The following KCNIP4 variants were observed in gnomAD, a reference collection of about 807,000 sequenced individuals.
The protein encoded by KCNIP4 is potassium voltage-gated channel interacting protein 4.
A neutral mutation model predicts 34.0 loss-of-function variants in KCNIP4; 12 were observed. The ratio of observed to expected loss-of-function variants is 0.35; its 90% CI spans 0.23 to 0.57. The LOEUF is 0.57. Among genes scored for constraint, KCNIP4 ranks in the 20% least tolerant of loss-of-function variants. KCNIP4 has a pLI of 0.83. For missense variants in KCNIP4, 238 were observed against 311.7 expected (o/e 0.76, Z 1.78); for synonymous variants, 124 against 102.2 (o/e 1.21, Z -1.29).
At chr4:21,484,282 C>T (rs1731715671) in intron 1 of KCNIP4, among the ~76,000 whole-genome samples, 1 of 151,872 alleles carries the variant, frequency 6.6e-6, no homozygotes, top group Non-Finnish European at 1.5e-5. Context: ...CAAAAATTAG[C>T]CAGGTGTGGT....
chr4:21,765,064 C>G (rs1335333058), intron 1 of KCNIP4, among the ~76,000 whole-genome samples: 1 of 152,000 alleles, frequency 6.6e-6, no homozygotes, highest in Non-Finnish European at 1.5e-5. Flanking sequence ...GGAGTATACA[C>G]TGTGGCTACA....
intron 5 of KCNIP4, among the ~76,000 whole-genome samples, chr4:20,737,856 G>C (rs536255847): frequency 9.2e-5 from 14 of 152,250 alleles, no homozygotes; most frequent in South Asian, 4.1e-4. Flanking sequence ...AGCAGGCTGG[G>C]GATCATGGCT....
chr4:21,690,455 C>T (rs769186466), intron 1 of KCNIP4, among the ~76,000 whole-genome samples: 37 of 152,088 alleles, frequency 2.4e-4, no homozygotes, highest in Non-Finnish European at 3.7e-4. Flanking sequence ...GGTGCCCTCC[C>T]CAGTGTAATG....
At chr4:21,387,512 T>C (rs1409321415) in intron 1 of KCNIP4, among the ~76,000 whole-genome samples, 1 of 152,190 alleles carries the variant, frequency 6.6e-6, no homozygotes, top group East Asian at 1.9e-4. Flanking sequence ...TGATATGTCA[T>C]CAAAATTAAC....
At chr4:20,903,272 C>A (rs1299281214) in intron 1 of KCNIP4, among the ~76,000 whole-genome samples, 2 of 152,172 alleles carry the variant, frequency 1.3e-5, no homozygotes, top group African/African-American at 4.8e-5. Flanking sequence ...TACTGAACAG[C>A]AACCCTATGT....
intron 3 of KCNIP4, among the ~76,000 whole-genome samples, chr4:20,789,122 T>A (rs1274683790): frequency 6.6e-6 from 1 of 152,152 alleles, no homozygotes; most frequent in African/African-American, 2.4e-5. Flanking sequence ...TGCAATGCTA[T>A]TGCCCAGAGT....
chr4:21,270,842 C>T (rs1459506583), intron 1 of KCNIP4, among the ~76,000 whole-genome samples: 3 of 151,914 alleles, frequency 2.0e-5, no homozygotes, highest in African/African-American at 7.3e-5. Context: ...CAAAAATTAG[C>T]CAGGAATGTG....
At chr4:20,963,688 T>G (rs1734077916) in intron 1 of KCNIP4, among the ~76,000 whole-genome samples, 1 of 151,440 alleles carries the variant, frequency 6.6e-6, no homozygotes, top group Admixed American at 6.6e-5. Flanking sequence ...AAAGAGGAGG[T>G]TAAAAAATAA....
chr4:21,038,960 A>T (rs1279990988), intron 1 of KCNIP4, among the ~76,000 whole-genome samples: 1 of 152,188 alleles, frequency 6.6e-6, no homozygotes, highest in East Asian at 1.9e-4. Flanking sequence ...TGGCATCCAC[A>T]TCATTCTCAT....
chr4:20,746,258 A>T (rs1752396139), intron 5 of KCNIP4, among the ~76,000 whole-genome samples: 1 of 152,216 alleles, frequency 6.6e-6, no homozygotes, highest in African/African-American at 2.4e-5. Context: ...CATTCTCAGC[A>T]AACTATCATG....
rs962476422 is a variant in KCNIP4, at chr4:21,343,661, T to A, written c.62-460952A>T. Among the ~76,000 whole-genome samples, 7 of 152,114 alleles carry A rather than the reference T, an allele frequency of 4.6e-5. No homozygotes were observed. In the South Asian group the frequency reaches 1.5e-3, roughly 32 times the overall value. On this transcript the variant is annotated intron_variant, in intron 1 of 8. Transcript: ENST00000382152. The stretch of plus-strand genomic sequence containing the variant: ...TCTCAAATTTATTGTCCATGAGAAT[T>A]ACCTAGGAATCACAAAATGTACACT...
intron 1 of KCNIP4, among the ~76,000 whole-genome samples, chr4:21,395,397 A>C (rs1722901304): frequency 6.6e-6 from 1 of 152,148 alleles, no homozygotes; most frequent in African/African-American, 2.4e-5. Flanking sequence ...TTTCCTAAAT[A>C]AACCATCTGT....
At chr4:21,100,854 G>C (rs1747870953) in intron 1 of KCNIP4, among the ~76,000 whole-genome samples, 1 of 152,144 alleles carries the variant, frequency 6.6e-6, no homozygotes, top group Non-Finnish European at 1.5e-5. Flanking sequence ...ATTTATTGCA[G>C]TCATCAGGAG....
At chr4:21,519,826 CGT>C (rs930841744) in intron 1 of KCNIP4, among the ~76,000 whole-genome samples, 20 of 137,282 alleles carry the variant, frequency 1.5e-4, no homozygotes, top group Middle Eastern at 4.2e-3. Flanking sequence ...TGTATACACA[CGT>C]GTGTGTATGT....
chr4:21,775,207 T>A (rs987814661), intron 1 of KCNIP4, among the ~76,000 whole-genome samples: 3 of 152,124 alleles, frequency 2.0e-5, no homozygotes, highest in Non-Finnish European at 4.4e-5. Flanking sequence ...CTTTCAACAG[T>A]CAGGTCCCTC....
chr4:21,927,469 G>A (rs1486448287), intron 1 of KCNIP4, among the ~76,000 whole-genome samples: 1 of 152,056 alleles, frequency 6.6e-6, no homozygotes, highest in East Asian at 1.9e-4. Context: ...TCAAATACCA[G>A]GGACTCAATG....
At chr4:21,082,443 C>T (rs1274424843) in intron 1 of KCNIP4, among the ~76,000 whole-genome samples, 1 of 151,824 alleles carries the variant, frequency 6.6e-6, no homozygotes, top group Admixed American at 6.6e-5. Context: ...GCAGCAACCT[C>T]ATTAACAGAT....
chr4:21,712,202 C>T (rs540558506), intron 1 of KCNIP4, among the ~76,000 whole-genome samples: 32 of 152,242 alleles, frequency 2.1e-4, no homozygotes, highest in Admixed American at 4.6e-4. Context: ...TATAATCCTT[C>T]CCGTTCTAAA....
At chr4:21,368,207 T>C (rs1358482074) in intron 1 of KCNIP4, among the ~76,000 whole-genome samples, 1 of 142,900 alleles carries the variant, frequency 7.0e-6, no homozygotes, top group Non-Finnish European at 1.5e-5. Flanking sequence ...AAAATAATCT[T>C]ATTAGAATGA....
Sources: gnomAD v4.1 joint callset for allele counts (sites outside exome capture counted in the v4.1 genomes callset) on GRCh38, gnomAD v4.1.1 for gene constraint, MANE v1.5 for transcripts, NCBI Gene and HGNC (gene_info 2026-07-23, HGNC 2026-07-21) for gene names.